FAM149B1: variants seen among roughly 807,000 people sequenced by gnomAD.
FAM149B1 encodes family with sequence similarity 149 member B1, also known as primary cilium assembly protein FAM149B1.
Under a neutral mutation model 75.3 loss-of-function variants are expected in FAM149B1, and 56 were observed. The ratio of observed to expected loss-of-function variants is 0.74; its 90% confidence interval spans 0.60 to 0.93. FAM149B1 has a LOEUF of 0.93. Among genes scored for constraint, FAM149B1 ranks in the 40% least tolerant of loss-of-function variants. FAM149B1 has a pLI of 0.00. For missense variants in FAM149B1, 639 were observed against 708.4 expected (o/e 0.90, Z 1.11); for synonymous variants, 259 against 256.1 (o/e 1.01, Z -0.11).
chr10:73,191,597 G>T (rs918148753), intron 3 of FAM149B1, among the ~76,000 whole-genome samples: 1 of 151,392 alleles, frequency 6.6e-6, no homozygotes, highest in Admixed American at 6.6e-5. Flanking sequence ...CCTTGGCCTC[G>T]CAAAGTGCTG....
rs2133422651 is a variant in FAM149B1 at position 73,242,143 on chromosome 10, A to G, written c.*1124A>G. 6.6e-6 allele frequency: 1 copy of G among 152,306 alleles called. No homozygotes were observed. Among genetic ancestry groups the G allele is most frequent in the Non-Finnish European group, 1.5e-5 (1 of 68,014 alleles). 9.4% of individuals were successfully genotyped at this position (152,306 alleles called of 1,614,324 possible). On this transcript the variant is annotated 3_prime_UTR_variant, in exon 14 of 14. Transcript: ENST00000242505. ...AGATGCTTCAAACAACCTGCATTAA[A>G]TTATATTTTTAATAAAATTAAAATC...
At chr10:73,201,649 TA>T (rs2042941286) in intron 5 of FAM149B1, among the ~76,000 whole-genome samples, 1 of 152,210 alleles carries the variant, frequency 6.6e-6, no homozygotes, top group African/African-American at 2.4e-5. Context: ...GGAAGGCCTT[TA>T]AAATTGATTT....
chr10:73,222,951 C>T (rs1259252365), intron 7 of FAM149B1, among the ~76,000 whole-genome samples: 1 of 152,108 alleles, frequency 6.6e-6, no homozygotes, highest in Non-Finnish European at 1.5e-5. Context: ...TTTTTTGTCT[C>T]TACAAAAAGT....
chr10:73,241,177 G>A lies in FAM149B1; in HGVS notation c.*158G>A. The A allele has an allele frequency of 4.9e-6, 3 of 606,602 alleles. No individual in the cohort carries two copies. Among genetic ancestry groups the A allele is most frequent in the South Asian group, 3.7e-5 (2 of 54,330 alleles). 37.6% of individuals were successfully genotyped at this position (606,602 alleles called of 1,614,324 possible). On this transcript the variant is annotated 3_prime_UTR_variant, in exon 14 of 14. Transcript: ENST00000242505. ...AGTGACCGAAGAACAAAACACCATA[G>A]CAGCCAAAAATGACATGAGTGTTGT...
At chr10:73,237,071 T>G (rs745883692) in intron 12 of FAM149B1, among the ~76,000 whole-genome samples, 5 of 152,160 alleles carry the variant, frequency 3.3e-5, no homozygotes, top group Non-Finnish European at 7.4e-5. Context: ...TTCCCTCTTC[T>G]TATAAGATAC....
At chr10:73,225,570 TAAA>T (rs2043520939) in intron 7 of FAM149B1, among the ~76,000 whole-genome samples, 1 of 152,168 alleles carries the variant, frequency 6.6e-6, no homozygotes, top group African/African-American at 2.4e-5. Context: ...GTTAAAAAAA[TAAA>T]AAATTTATAA....
chr10:73,175,651 C>CA (rs1197263300), intron 2 of FAM149B1, among the ~76,000 whole-genome samples: 3 of 123,492 alleles, frequency 2.4e-5, no homozygotes, highest in African/African-American at 9.6e-5. Flanking sequence ...GCCTGGGCAA[C>CA]AGAGCGAGAC....
At chr10:73,203,536 A>G (rs1589160631) in intron 5 of FAM149B1, among the ~76,000 whole-genome samples, 1 of 152,134 alleles carries the variant, frequency 6.6e-6, no homozygotes, top group Admixed American at 6.6e-5. Flanking sequence ...ACTTTATTCC[A>G]TTGCATGAAT....
At chr10:73,208,809 T>C (rs775803975) in intron 6 of FAM149B1, 23 bp downstream of exon 6, 2 of 1,380,806 alleles carry the variant, frequency 1.4e-6, no homozygotes, top group South Asian at 1.9e-5. Context: ...CCTTTTAAGC[T>C]TTTTACTCCC....
In FAM149B1 at chr10:73,233,097, T is replaced by G; in HGVS notation, c.1286T>G (p.Ile429Ser). 1 of 1,551,636 alleles carries G rather than the reference T, an allele frequency of 6.4e-7. No individual in the cohort carries two copies. Among genetic ancestry groups the G allele is most frequent in the Non-Finnish European group, 8.7e-7 (1 of 1,146,988 alleles). ...RNPPPRTLHP[I>S]STSHSCAETP... ...CCACCACCACGAACTCTTCATCCGA[T>G]CAGCACGAGCCATTCATGTGCTGAA... is the stretch of plus-strand genomic sequence containing the variant. Residue 429 changes from isoleucine to serine, a missense_variant, in exon 10 of 14, where the codon ATC (isoleucine) becomes AGC (serine). Ile to Ser is a moderately radical substitution (Grantham distance 142). Transcript: ENST00000242505.
chr10:73,221,596 T>A (rs912471492), intron 7 of FAM149B1, among the ~76,000 whole-genome samples: 2 of 152,172 alleles, frequency 1.3e-5, no homozygotes, highest in African/African-American at 4.8e-5. Context: ...TTTGAACAAT[T>A]TGACTATGAT....
At chr10:73,202,821 G>A (rs977556997) in intron 5 of FAM149B1, among the ~76,000 whole-genome samples, 3 of 152,002 alleles carry the variant, frequency 2.0e-5, no homozygotes, top group African/African-American at 7.3e-5. Context: ...CTCCCGAGTA[G>A]CTGGGACTAC....
rs1171668535 is a variant in FAM149B1 at position 73,243,236 on chromosome 10, G to C, written c.*2217G>C. ...TCAAGTGCTTTCTAGGAAATACTAA[G>C]ATCAGGTTGAGAGATTCTGCTTGGT... is the stretch of plus-strand genomic sequence containing the variant. On this transcript the variant is annotated 3_prime_UTR_variant, in exon 14 of 14. Coordinates refer to ENST00000242505, the MANE Select transcript of FAM149B1 (RefSeq NM_173348.2). 1.4e-6 allele frequency: 1 copy of C among 698,600 alleles called. No homozygotes were observed. The highest frequency in any genetic ancestry group is 2.4e-6 in the Non-Finnish European group (1 of 419,510). 43.3% of individuals were successfully genotyped at this position (698,600 alleles called of 1,614,324 possible).
intron 5 of FAM149B1, among the ~76,000 whole-genome samples, chr10:73,194,928 C>T (rs1478255217): frequency 6.6e-6 from 1 of 152,084 alleles, no homozygotes; most frequent in African/African-American, 2.4e-5. Context: ...AGGTGATCTG[C>T]CCGCCTCGGC....
intron 5 of FAM149B1, among the ~76,000 whole-genome samples, chr10:73,194,653 G>A (rs534601158): frequency 2.0e-5 from 3 of 147,148 alleles, no homozygotes; most frequent in African/African-American, 7.8e-5. Context: ...ATGAACCACC[G>A]CACCCAGACT....
In FAM149B1 at chr10:73,238,068, G is replaced by A. The variant is rs901835276; in HGVS notation, c.1603-1244G>A. Among the ~76,000 whole-genome samples, 14 of 152,114 alleles carry A rather than the reference G, an allele frequency of 9.2e-5. No individual in the cohort carries two copies. In the South Asian group the frequency reaches 2.5e-3, roughly 27 times the overall value. On this transcript the variant is annotated intron_variant, in intron 12 of 13. Coordinates refer to ENST00000242505, the MANE Select transcript of FAM149B1 (RefSeq NM_173348.2). ...TTATTAGGAATGCTAGCTGTGAGCC[G>A]GCTGCAGTGGCTTACACCTGTAATC...
chr10:73,227,271 A>G (rs1396866767), intron 7 of FAM149B1, among the ~76,000 whole-genome samples: 1 of 151,554 alleles, frequency 6.6e-6, no homozygotes, highest in African/African-American at 2.4e-5. Flanking sequence ...TTTTTTTTGT[A>G]GAGATGGCGG....
intron 11 of FAM149B1, 58 bp from the exon 12 acceptor site, chr10:73,235,135 C>T: frequency 1.3e-6 from 2 of 1,531,526 alleles, no homozygotes; most frequent in Middle Eastern, 1.7e-4. Flanking sequence ...AGGGTTTTAA[C>T]TACATACCAC....
intron 7 of FAM149B1, among the ~76,000 whole-genome samples, chr10:73,224,191 A>G (rs1182880831): frequency 6.6e-6 from 1 of 152,154 alleles, no homozygotes; most frequent in Non-Finnish European, 1.5e-5. Flanking sequence ...GGTGGTAAAG[A>G]TTTCAGTCTT....
Sources: allele counts gnomAD v4.1 joint callset (sites outside exome capture counted in the v4.1 genomes callset), GRCh38; gene constraint gnomAD v4.1.1; transcripts MANE v1.5; gene names NCBI Gene and HGNC (gene_info 2026-07-23, HGNC 2026-07-21).